SLIT3: variants seen among roughly 807,000 people sequenced by gnomAD.
SLIT3 encodes slit homolog 3 protein.
In SLIT3, 68 loss-of-function variants were observed where a neutral mutation model predicts 184.0. The observed-to-expected ratio is 0.37, with a 90% CI of 0.30 to 0.45. The LOEUF (loss-of-function observed/expected upper bound fraction) is 0.45. SLIT3 is among the 20% of genes least tolerant of loss of function. The probability of loss-of-function intolerance (pLI) is 1.00; values close to 1 mark genes in which losing one functional copy is unlikely to be tolerated. For synonymous variants in SLIT3, 831 were observed against 828.6 expected (o/e 1.00, Z -0.05); for missense variants, 1,707 against 2,026.0 (o/e 0.84, Z 3.02).
Position 168,785,970 on chromosome 5 carries a change from T to C in SLIT3, c.1088A>G (p.Tyr363Cys). Residue 363 changes from tyrosine to cysteine, a missense_variant, in exon 12 of 36, where the codon TAT (tyrosine) becomes TGT (cysteine). Tyr to Cys is a radical substitution (Grantham distance 194). Around this residue, in one of 3 missense-constraint regions of SLIT3, gnomAD observed 1,307 missense variants for 1,511.6 expected, o/e 0.86. Coordinates refer to ENST00000519560, the MANE Select transcript of SLIT3 (RefSeq NM_003062.4). ...GACAATCTCGGTGATCTTGTTCCCA[T>C]ACAGGACCCTGAAAGAGAGAAGGAG... is the stretch of plus-strand genomic sequence containing the variant. Reference protein sequence around the residue: ...GLKSLTSLVLYGNKITEIVKG... With the variant: ...GLKSLTSLVLCGNKITEIVKG... 6.2e-7 allele frequency: 1 copy of C among 1,610,310 alleles called. No individual in the cohort carries two copies. Among genetic ancestry groups the C allele is most frequent in the Non-Finnish European group, 8.5e-7 (1 of 1,176,786 alleles).
At chr5:169,018,807 G>T (rs1032506612) in intron 4 of SLIT3, 9 of 152,170 alleles carry the variant, frequency 5.9e-5, no homozygotes, top group African/African-American at 2.2e-4. Flanking sequence ...AAATGCAGGG[G>T]GTCTGATGGC....
chr5:169,091,173 C>T (rs1417792898), intron 4 of SLIT3, among the ~76,000 whole-genome samples: 1 of 152,188 alleles, frequency 6.6e-6, no homozygotes, highest in African/African-American at 2.4e-5. Context: ...ACTTTGATCT[C>T]TTATTTCTTC....
At chr5:168,851,150 G>A (rs559769609) in intron 5 of SLIT3, among the ~76,000 whole-genome samples, 9 of 151,890 alleles carry the variant, frequency 5.9e-5, no homozygotes, top group African/African-American at 1.9e-4. Context: ...GGTGAAACCC[G>A]ATCTCTACTG....
intron 32 of SLIT3, among the ~76,000 whole-genome samples, chr5:168,673,979 C>G (rs1180230237): frequency 2.0e-5 from 3 of 152,212 alleles, no homozygotes; most frequent in Non-Finnish European, 4.4e-5. Context: ...CCCAATTTCC[C>G]CCTTAAATAT....
chr5:169,147,227 C>T (rs571685728), intron 4 of SLIT3, among the ~76,000 whole-genome samples: 1 of 152,218 alleles, frequency 6.6e-6, no homozygotes, highest in African/African-American at 2.4e-5. Context: ...GGGTCTGGCA[C>T]ATAGCAGGAC....
intron 4 of SLIT3, among the ~76,000 whole-genome samples, chr5:169,190,415 G>T (rs1763515784): frequency 6.6e-6 from 1 of 152,146 alleles, no homozygotes; most frequent in South Asian, 2.1e-4. Context: ...AACTACCACT[G>T]CTCTTCTCAG....
chr5:168,757,870 A>G (rs1755006102), intron 16 of SLIT3, among the ~76,000 whole-genome samples: 2 of 152,162 alleles, frequency 1.3e-5, no homozygotes, highest in African/African-American at 4.8e-5. Context: ...TCTGATCCAC[A>G]TCATAACTTA....
At chr5:168,768,136 C>A in intron 14 of SLIT3, 1 of 501,672 alleles carries the variant, frequency 2.0e-6, no homozygotes, top group Admixed American at 2.0e-5. Flanking sequence ...GCGGCGGTGG[C>A]GGGCCATGCT....
intron 4 of SLIT3, among the ~76,000 whole-genome samples, chr5:168,924,436 C>T (rs888725154): frequency 1.3e-5 from 2 of 152,110 alleles, no homozygotes; most frequent in African/African-American, 4.8e-5. Context: ...CGACCACTTA[C>T]ACCTCAGTTC....
At position 169,240,460 on chromosome 5, in the gene SLIT3, T is replaced by G. The variant is rs548729613; in HGVS notation, c.341+4245A>C. Among the ~76,000 whole-genome samples, 5 of 151,744 alleles carry G rather than the reference T, an allele frequency of 3.3e-5. No homozygotes were observed. The East Asian group carries it at 9.6e-4, about 29-fold the overall frequency. Reference sequence around the variant, plus strand: ...AGATTTGGTATATCTTCCTGGGATATTTCCTATTTTATCATTACAAAATTC... The same window carrying G: ...AGATTTGGTATATCTTCCTGGGATAGTTCCTATTTTATCATTACAAAATTC... On this transcript the variant is annotated intron_variant, in intron 3 of 35. Coordinates refer to ENST00000519560, the MANE Select transcript of SLIT3 (RefSeq NM_003062.4).
At chr5:169,002,732 A>G (rs1193898149) in intron 4 of SLIT3, among the ~76,000 whole-genome samples, 1 of 152,176 alleles carries the variant, frequency 6.6e-6, no homozygotes, top group Non-Finnish European at 1.5e-5. Flanking sequence ...TGATCAAAGT[A>G]TTTCCCTAAC....
intron 1 of SLIT3, among the ~76,000 whole-genome samples, chr5:169,285,299 T>C (rs1767118042): frequency 6.6e-6 from 1 of 152,222 alleles, no homozygotes; most frequent in African/African-American, 2.4e-5. Context: ...TCCAATTCAA[T>C]TTGATTTTTG....
chr5:168,823,376 G>T (rs1757598246), intron 6 of SLIT3, 45 bp from the exon 7 acceptor site: 1 of 1,437,462 alleles, frequency 7.0e-7, no homozygotes, highest in African/African-American at 1.4e-5. Context: ...CAGCAGCAGG[G>T]GAGGCACCAA....
chr5:168,974,713 G>A (rs1175924792), intron 4 of SLIT3, among the ~76,000 whole-genome samples: 1 of 152,170 alleles, frequency 6.6e-6, no homozygotes, highest in Non-Finnish European at 1.5e-5. Flanking sequence ...TCTCTTTAGG[G>A]AGGGGCTGTC....
At chr5:169,085,372 AG>A (rs1759252030) in intron 4 of SLIT3, among the ~76,000 whole-genome samples, 1 of 152,164 alleles carries the variant, frequency 6.6e-6, no homozygotes, top group Non-Finnish European at 1.5e-5. Context: ...TGACCCAGTG[AG>A]CAGACCTGGG....
At chr5:169,128,992 C>A (rs1581437978) in intron 4 of SLIT3, among the ~76,000 whole-genome samples, 1 of 152,170 alleles carries the variant, frequency 6.6e-6, no homozygotes. Context: ...GGGGGAGGAG[C>A]CAGCAGCATC....
intron 4 of SLIT3, among the ~76,000 whole-genome samples, chr5:169,060,621 T>A (rs1269609212): frequency 2.6e-5 from 4 of 152,210 alleles, no homozygotes; most frequent in African/African-American, 9.6e-5. Flanking sequence ...GCTGGGAGTC[T>A]GCATCAGGCT....
intron 3 of SLIT3, among the ~76,000 whole-genome samples, chr5:169,233,109 T>G (rs1412525009): frequency 6.6e-6 from 1 of 152,180 alleles, no homozygotes; most frequent in East Asian, 1.9e-4. Flanking sequence ...CACTGCAACT[T>G]CCGCCTCCTG....
rs113432099 is a variant in SLIT3, at chr5:168,676,163, T to TTCCATCCATCCATCCATCCA, written c.3687-2852_3687-2833dup. Among the ~76,000 whole-genome samples the TTCCATCCATCCATCCATCCA allele has an allele frequency of 7.3e-5, 11 of 150,314 alleles. No homozygotes were observed. The South Asian group carries it at 1.9e-3, about 26-fold the overall frequency. ...CCCACCTACTTATTTATCTACTCTC[T>TTCCATCCATCCATCCATCCA]TCCATCCATCCATCCATCCATCCAT... On this transcript the variant is annotated intron_variant, in intron 32 of 35. Transcript: ENST00000519560.
Sources: allele counts gnomAD v4.1 joint callset (sites outside exome capture counted in the v4.1 genomes callset), GRCh38; gene constraint gnomAD v4.1.1; regional missense constraint gnomAD v4.1.1; transcripts MANE v1.5; gene names NCBI Gene and HGNC (gene_info 2026-07-23, HGNC 2026-07-21).